The following SEPTIN6 variants were observed in gnomAD, a reference collection of about 807,000 sequenced individuals.
SEPTIN6 encodes septin 6, also known as septin-6.
Under a neutral mutation model 33.6 loss-of-function variants are expected in SEPTIN6, and 8 were observed. That is an observed-to-expected ratio of 0.24 (90% CI 0.14 to 0.43). The LOEUF is 0.43. Among genes scored for constraint, SEPTIN6 ranks in the 20% least tolerant of loss-of-function variants. The probability of loss-of-function intolerance (pLI) is 1.00; values close to 1 mark genes in which losing one functional copy is unlikely to be tolerated. For missense variants in SEPTIN6, 250 were observed against 340.8 expected (o/e 0.73, Z 2.10); for synonymous variants, 131 against 140.0 (o/e 0.94, Z 0.45).
chrX:119,679,126 G>C (rs1428416837), intron 1 of SEPTIN6, among the ~76,000 whole-genome samples: 1 of 110,569 alleles, frequency 9.0e-6, no homozygotes, highest in Non-Finnish European at 1.9e-5. Flanking sequence ...TATTTTAGTA[G>C]AGATGGGGTT....
intron 3 of SEPTIN6, among the ~76,000 whole-genome samples, chrX:119,662,751 T>C (rs112317134): frequency 6.7e-4 from 75 of 112,615 alleles, no homozygotes; most frequent in African/African-American, 2.1e-3. Flanking sequence ...GAACATTAGT[T>C]ACAGAGCTTT....
chrX:119,688,170 C>CTACCTTCA (rs1487522864), intron 1 of SEPTIN6, among the ~76,000 whole-genome samples: 1 of 111,539 alleles, frequency 9.0e-6, no homozygotes, highest in African/African-American at 3.3e-5. Flanking sequence ...GAGATCTCAC[C>CTACCTTCA]CACCTTCACA....
intron 5 of SEPTIN6, among the ~76,000 whole-genome samples, chrX:119,643,236 A>G (rs2054184946): frequency 9.1e-6 from 1 of 110,143 alleles, no homozygotes; most frequent in Non-Finnish European, 1.9e-5. Context: ...CTTCAGCCAC[A>G]TGACACAGAA....
In SEPTIN6 at chrX:119,671,940, G is replaced by A. The variant is rs147786058; in HGVS notation, c.145+3614C>T. ...AGCAGCTAAGCTATGGACCCTTTGCGAAGTCAGTGACTGGATCCAGCCTCA... is the reference window on the plus strand; with the variant it reads ...AGCAGCTAAGCTATGGACCCTTTGCAAAGTCAGTGACTGGATCCAGCCTCA... On this transcript the variant is annotated intron_variant, in intron 2 of 10. Transcript: ENST00000394610. Among the ~76,000 whole-genome samples the A allele has an allele frequency of 2.2e-4, 25 of 112,159 alleles. No individual in the cohort carries two copies. In the East Asian group the frequency reaches 6.8e-3, roughly 30 times the overall value.
chrX:119,646,922 G>A (rs1248724532), intron 5 of SEPTIN6: 1 of 151,026 alleles, frequency 6.6e-6, no homozygotes, highest in Non-Finnish European at 1.5e-5. Context: ...GGCAGGCTAA[G>A]CAATCCTCTG....
At chrX:119,642,237 T>G (rs981844172) in intron 5 of SEPTIN6, among the ~76,000 whole-genome samples, 6 of 98,696 alleles carry the variant, frequency 6.1e-5, no homozygotes, top group Admixed American at 2.2e-4. Flanking sequence ...AGGGCTGGAG[T>G]AACACAGAGG....
intron 2 of SEPTIN6, among the ~76,000 whole-genome samples, chrX:119,670,047 C>T (rs1302502450): frequency 9.0e-6 from 1 of 111,722 alleles, no homozygotes; most frequent in Non-Finnish European, 1.9e-5. Flanking sequence ...CAACGGGCCC[C>T]AGAATATTTG....
intron 8 of SEPTIN6, among the ~76,000 whole-genome samples, chrX:119,630,847 C>T (rs2053945378): frequency 9.2e-6 from 1 of 108,187 alleles, no homozygotes; most frequent in Admixed American, 9.9e-5. Flanking sequence ...GAGCCGAGAT[C>T]GCACCACTGC....
chrX:119,646,666 C>T (rs1326279544), intron 5 of SEPTIN6: 1 of 135,065 alleles, frequency 7.4e-6, no homozygotes, highest in Non-Finnish European at 1.7e-5. Flanking sequence ...AAAAATCCCC[C>T]ATGGTGAGAG....
rs2147531621 is a variant in SEPTIN6, at chrX:119,650,071, CT to C, written c.555del (p.Ala186GlnfsTer9). 8.3e-7 allele frequency: 1 copy of C among 1,211,378 alleles called. No individual in the cohort carries two copies. Among genetic ancestry groups the C allele is most frequent in the Non-Finnish European group, 1.1e-6 (1 of 895,399 alleles). ...AGCTCACTCTTCGAAATGGCATCTGCTTTGGCAATGATGGGGATGATGTTCA... is the reference window on the plus strand; with the variant it reads ...AGCTCACTCTTCGAAATGGCATCTGCTTGGCAATGATGGGGATGATGTTCA... ...SKVNIIPIIA[K>X]ADAISKSELT... is the part of the protein sequence containing the mutation. On this transcript the variant is annotated frameshift_variant, in exon 5 of 11. Coordinates refer to ENST00000394610, the MANE Select transcript of SEPTIN6 (RefSeq NM_145799.4). LOFTEE classifies it high-confidence loss of function.
chrX:119,683,111 G>C (rs1569444103), intron 1 of SEPTIN6, among the ~76,000 whole-genome samples: 1 of 112,097 alleles, frequency 8.9e-6, no homozygotes, highest in Non-Finnish European at 1.9e-5. Flanking sequence ...AAATTAGCCA[G>C]GCTTGGTGGC....
At chrX:119,624,157 G>GTTTTTTTTTTTTTTTTTTTTTTTTTTTTT in intron 10 of SEPTIN6, 1 of 207,278 alleles carries the variant, frequency 4.8e-6, no homozygotes, top group South Asian at 5.4e-5. Context: ...TTTTTTTTTT[G>GTTTTTTTTTTTTTTTTTTTTTTTTTTTTT]TTTTTTTTTT....
chrX:119,633,603 G>A, intron 7 of SEPTIN6, 111 bp from the exon 8 acceptor site: 1 of 986,648 alleles, frequency 1.0e-6, no homozygotes, highest in South Asian at 2.6e-5. Flanking sequence ...CCAGTTGTGA[G>A]CCAGGTACAA....
intron 1 of SEPTIN6, among the ~76,000 whole-genome samples, chrX:119,691,058 G>A (rs1045094965): frequency 6.3e-5 from 7 of 111,372 alleles, no homozygotes; most frequent in African/African-American, 1.6e-4. Context: ...AGAATCTGGC[G>A]TACAATTATG....
At chrX:119,664,076 C>T (rs765779826) in intron 2 of SEPTIN6, among the ~76,000 whole-genome samples, 78 of 110,536 alleles carry the variant, frequency 7.1e-4, no homozygotes, top group African/African-American at 2.1e-3. Flanking sequence ...CTCCATCTCC[C>T]GGGTTCAAGC....
chrX:119,684,482 G>GT (rs1199777223), intron 1 of SEPTIN6, among the ~76,000 whole-genome samples: 2,580 of 79,376 alleles, frequency 0.033, 99 homozygotes, highest in East Asian at 0.13. Flanking sequence ...GTTCCCAGAG[G>GT]TTTTTTTTTT....
intron 6 of SEPTIN6, among the ~76,000 whole-genome samples, chrX:119,639,359 C>A (rs1345048051): frequency 1.8e-5 from 2 of 111,906 alleles, no homozygotes; most frequent in African/African-American, 3.3e-5. Flanking sequence ...CTTCTACCCA[C>A]AGCGCCATCC....
chrX:119,644,553 TA>T (rs1213780513), intron 5 of SEPTIN6, among the ~76,000 whole-genome samples: 1 of 111,452 alleles, frequency 9.0e-6, no homozygotes, highest in Non-Finnish European at 1.9e-5. Context: ...GATGTCTCTT[TA>T]AAAAGGGTCT....
intron 3 of SEPTIN6, among the ~76,000 whole-genome samples, chrX:119,659,256 A>C (rs1235633785): frequency 9.0e-6 from 1 of 111,491 alleles, no homozygotes; most frequent in Non-Finnish European, 1.9e-5. Flanking sequence ...ACATATGCTA[A>C]ATTTCCATAT....
Sources: allele counts gnomAD v4.1 joint callset (sites outside exome capture counted in the v4.1 genomes callset), GRCh38; gene constraint gnomAD v4.1.1; transcripts MANE v1.5; gene names NCBI Gene and HGNC (gene_info 2026-07-23, HGNC 2026-07-21).